The following RGS7 variants were observed in gnomAD, a reference collection of about 807,000 sequenced individuals.
RGS7 encodes the protein regulator of G protein signaling 7, also known as regulator of G-protein signaling 7.
In RGS7, 27 loss-of-function variants were observed where a neutral mutation model predicts 81.1. The observed-to-expected ratio is 0.33, with a 90% CI of 0.25 to 0.46. The LOEUF is 0.46. RGS7 is among the 20% of genes least tolerant of loss of function. The pLI is 1.00. For synonymous variants in RGS7, 208 were observed against 207.7 expected (o/e 1.00, Z -0.01); for missense variants, 396 against 607.4 (o/e 0.65, Z 3.66).
intron 18 of RGS7, among the ~76,000 whole-genome samples, chr1:240,793,611 A>ATATTTTTTTTTTTTTT: frequency 4.9e-4 from 39 of 78,802 alleles, no homozygotes; most frequent in African/African-American, 3.5e-3. Context: ...ATATATATAT[A>ATATTTTTTTTTTTTTT]TTTTTTTTTT....
At chr1:241,190,273 T>C (rs961262899) in intron 2 of RGS7, among the ~76,000 whole-genome samples, 3 of 152,188 alleles carry the variant, frequency 2.0e-5, no homozygotes, top group Admixed American at 2.0e-4. Context: ...TTTTATCACA[T>C]TATTTTTCTT....
At chr1:240,919,981 G>T in intron 6 of RGS7, 1 of 1,355,758 alleles carries the variant, frequency 7.4e-7, no homozygotes, top group South Asian at 1.2e-5. Flanking sequence ...TTTGTTGGTG[G>T]CATTAAAGAA....
chr1:241,061,712 T>C (rs1382771142), intron 3 of RGS7, among the ~76,000 whole-genome samples: 2 of 152,066 alleles, frequency 1.3e-5, no homozygotes, highest in African/African-American at 4.8e-5. Context: ...AAGGGGCAAA[T>C]TAACCAGGTG....
chr1:241,161,588 CTAA>C (rs1473412496), intron 2 of RGS7, among the ~76,000 whole-genome samples: 1 of 148,980 alleles, frequency 6.7e-6, no homozygotes, highest in Non-Finnish European at 1.5e-5. Flanking sequence ...TTAATAATAA[CTAA>C]TATTAATAAT....
At chr1:241,038,262 C>T (rs1490334885) in intron 3 of RGS7, among the ~76,000 whole-genome samples, 1 of 152,144 alleles carries the variant, frequency 6.6e-6, no homozygotes, top group Non-Finnish European at 1.5e-5. Context: ...GATTGGAGAT[C>T]AAGCCCCTTG....
chr1:240,903,708 G>C (rs1321616928), intron 6 of RGS7, among the ~76,000 whole-genome samples: 1 of 152,132 alleles, frequency 6.6e-6, no homozygotes, highest in Non-Finnish European at 1.5e-5. Flanking sequence ...CTAATGGGAG[G>C]TGTTTGGGTC....
chr1:241,327,051 A>AGGGAGGG (rs2081578536), intron 2 of RGS7, among the ~76,000 whole-genome samples: 1 of 2,290 alleles, frequency 4.4e-4, no homozygotes, highest in Non-Finnish European at 1.0e-3. Context: ...AGGGAGGGGA[A>AGGGAGGG]AGGAAGGAAG....
At chr1:241,148,734 T>C (rs2068531627) in intron 2 of RGS7, among the ~76,000 whole-genome samples, 1 of 152,254 alleles carries the variant, frequency 6.6e-6, no homozygotes, top group Non-Finnish European at 1.5e-5. Flanking sequence ...TGAAAATGCA[T>C]ATACATTCTA....
chr1:241,190,068 A>G (rs1008674222), intron 2 of RGS7, among the ~76,000 whole-genome samples: 3 of 151,828 alleles, frequency 2.0e-5, no homozygotes, highest in Non-Finnish European at 2.9e-5. Context: ...GCGCCACTGC[A>G]CTCCAGCCTG....
chr1:241,071,757 C>A (rs1383370818), intron 3 of RGS7, among the ~76,000 whole-genome samples: 5 of 148,018 alleles, frequency 3.4e-5, no homozygotes, highest in Non-Finnish European at 7.4e-5. Flanking sequence ...GCCTGTAGAC[C>A]CAGCTACTTG....
chr1:240,873,751 G>C (rs1186645147), intron 6 of RGS7, among the ~76,000 whole-genome samples: 1 of 152,156 alleles, frequency 6.6e-6, no homozygotes, highest in East Asian at 1.9e-4. Context: ...GTATCAAAAT[G>C]TGGAAAGAGT....
intron 2 of RGS7, among the ~76,000 whole-genome samples, chr1:241,115,881 C>A (rs1390188879): frequency 6.6e-6 from 1 of 152,066 alleles, no homozygotes; most frequent in Non-Finnish European, 1.5e-5. Context: ...GAGGAGGGGC[C>A]TGGTGGGAGG....
At chr1:240,874,336 C>A (rs1474772020) in intron 6 of RGS7, among the ~76,000 whole-genome samples, 1 of 152,088 alleles carries the variant, frequency 6.6e-6, no homozygotes, top group African/African-American at 2.4e-5. Flanking sequence ...GCTTCTTTCT[C>A]CCCTCCCCAA....
chr1:241,239,743 T>C (rs560146639), intron 2 of RGS7, among the ~76,000 whole-genome samples: 1 of 152,314 alleles, frequency 6.6e-6, no homozygotes, highest in South Asian at 2.1e-4. Flanking sequence ...ATGCAAATGA[T>C]CAGGCTTCAT....
intron 6 of RGS7, among the ~76,000 whole-genome samples, chr1:240,925,326 G>A (rs1674264270): frequency 6.6e-6 from 1 of 152,102 alleles, no homozygotes; most frequent in Non-Finnish European, 1.5e-5. Context: ...TCATCTTTAT[G>A]CCCATGTATA....
intron 6 of RGS7, chr1:240,920,745 A>G (rs1359372511): frequency 3.5e-6 from 2 of 567,918 alleles, no homozygotes; most frequent in Non-Finnish European, 6.6e-6. Flanking sequence ...CATGTTTTAG[A>G]CAAATACTCA....
intron 2 of RGS7, among the ~76,000 whole-genome samples, chr1:241,239,330 G>A (rs1158737775): frequency 1.3e-5 from 2 of 151,908 alleles, no homozygotes; most frequent in Admixed American, 1.3e-4. Context: ...AACCTCTTTG[G>A]TTCTAATCTA....
intron 18 of RGS7, among the ~76,000 whole-genome samples, chr1:240,796,785 A>G (rs531334589): frequency 1.3e-5 from 2 of 152,266 alleles, no homozygotes; most frequent in African/African-American, 4.8e-5. Flanking sequence ...AGTCTCCACA[A>G]CTTCTGGTCA....
intron 7 of RGS7, 99 bp downstream of exon 7, chr1:240,869,956 A>T: frequency 9.8e-7 from 1 of 1,015,370 alleles, no homozygotes; most frequent in Non-Finnish European, 1.6e-6. Context: ...AAAGAAAAAG[A>T]TCCATGAATG....
Sources: gnomAD v4.1 joint callset for allele counts (sites outside exome capture counted in the v4.1 genomes callset) on GRCh38, gnomAD v4.1.1 for gene constraint, MANE v1.5 for transcripts, NCBI Gene and HGNC (gene_info 2026-07-23, HGNC 2026-07-21) for gene names.